The following ACYP2 variants were observed in gnomAD, a reference collection of about 807,000 sequenced individuals.
The protein encoded by ACYP2 is acylphosphatase 2.
A neutral mutation model predicts 11.2 loss-of-function variants in ACYP2; 12 were observed. The observed-to-expected ratio is 1.08, with a 90% CI of 0.69 to 1.74. ACYP2 has a LOEUF of 1.74. Ranked by LOEUF, ACYP2 falls within the 40% of genes most tolerant of loss-of-function variation. The pLI is 0.00. For synonymous variants in ACYP2, 43 were observed against 32.2 expected, an observed-to-expected ratio of 1.33 and a Z score of -1.13; for missense variants, 134 against 101.9, an observed-to-expected ratio of 1.31 and a Z score of -1.35.
chr2:54,036,188 G>C (rs963102275), intron 2 of ACYP2, among the ~76,000 whole-genome samples: 2 of 152,122 alleles, frequency 1.3e-5, no homozygotes, highest in African/African-American at 2.4e-5. Context: ...TCTGCCTGCC[G>C]GGTTCAAGCG....
chr2:54,015,669 AC>A (rs1673646809), intron 2 of ACYP2, among the ~76,000 whole-genome samples: 2 of 151,680 alleles, frequency 1.3e-5, no homozygotes, highest in African/African-American at 4.8e-5. Context: ...ACACACACAC[AC>A]ACACACACAC....
intron 6 of ACYP2, among the ~76,000 whole-genome samples, chr2:54,262,973 A>T (rs1434869654): frequency 1.3e-5 from 2 of 152,326 alleles, no homozygotes; most frequent in Non-Finnish European, 2.9e-5. Context: ...TGATGCCAGC[A>T]CTATGGGGGG....
chr2:54,189,348 C>T (rs953344595), intron 6 of ACYP2, among the ~76,000 whole-genome samples: 3 of 152,176 alleles, frequency 2.0e-5, no homozygotes, highest in Non-Finnish European at 2.9e-5. Context: ...TCCACCTAAC[C>T]ACTGCCTTAT....
chr2:54,296,610 T>C (rs957618867), intron 6 of ACYP2, among the ~76,000 whole-genome samples: 1 of 152,190 alleles, frequency 6.6e-6, no homozygotes, highest in Admixed American at 6.5e-5. Context: ...TCATCAAACA[T>C]ATAAAAAATG....
intron 6 of ACYP2, among the ~76,000 whole-genome samples, chr2:54,212,684 A>AC (rs1480894953): frequency 6.6e-6 from 1 of 152,232 alleles, no homozygotes; most frequent in Non-Finnish European, 1.5e-5. Context: ...TAGTCAGCTC[A>AC]CCCATGTGGT....
chr2:54,153,350 G>A (rs1200906791), intron 6 of ACYP2, among the ~76,000 whole-genome samples: 1 of 151,556 alleles, frequency 6.6e-6, no homozygotes, highest in African/African-American at 2.4e-5. Flanking sequence ...CTATTTTTAT[G>A]TCAGTACCAT....
intron 4 of ACYP2, among the ~76,000 whole-genome samples, chr2:54,126,303 A>G (rs775385262): frequency 2.6e-5 from 4 of 152,162 alleles, no homozygotes; most frequent in African/African-American, 7.2e-5. Context: ...AGCAAAATAT[A>G]TAAATGCATA....
At chr2:54,063,667 T>G (rs1015139021) in intron 4 of ACYP2, among the ~76,000 whole-genome samples, 8 of 152,250 alleles carry the variant, frequency 5.3e-5, no homozygotes, top group African/African-American at 1.7e-4. Flanking sequence ...TTCCTTTAGA[T>G]GAGGGGGTGT....
intron 2 of ACYP2, among the ~76,000 whole-genome samples, chr2:54,032,154 G>C (rs1573562833): frequency 6.6e-6 from 1 of 152,094 alleles, no homozygotes; most frequent in Non-Finnish European, 1.5e-5. Flanking sequence ...GTCTATTTTG[G>C]CTTTTGTTGC....
chr2:54,002,097 T>C (rs928712881), intron 2 of ACYP2, among the ~76,000 whole-genome samples: 2 of 152,216 alleles, frequency 1.3e-5, no homozygotes, highest in Non-Finnish European at 2.9e-5. Context: ...ATAATATGTT[T>C]CCACTATTAT....
At chr2:54,180,485 C>T (rs1270690630) in intron 6 of ACYP2, among the ~76,000 whole-genome samples, 120 of 152,174 alleles carry the variant, frequency 7.9e-4, no homozygotes, top group Non-Finnish European at 2.1e-4. Context: ...AAAGACATCA[C>T]TTCGGAGATT....
At chr2:54,063,916 G>T (rs1368861365) in intron 4 of ACYP2, among the ~76,000 whole-genome samples, 1 of 152,212 alleles carries the variant, frequency 6.6e-6, no homozygotes, top group African/African-American at 2.4e-5. Context: ...AGGAAGGACA[G>T]TGTAGCTGGA....
chr2:54,264,133 T>A (rs1687910950), intron 6 of ACYP2, among the ~76,000 whole-genome samples: 1 of 152,166 alleles, frequency 6.6e-6, no homozygotes, highest in Non-Finnish European at 1.5e-5. Context: ...CCTTCAGATG[T>A]TCAGAAGGGT....
chr2:54,172,955 A>G (rs1683279205), intron 6 of ACYP2, among the ~76,000 whole-genome samples: 1 of 152,204 alleles, frequency 6.6e-6, no homozygotes, highest in South Asian at 2.1e-4. Context: ...ATTGATGGAC[A>G]TTTGGGTTGG....
At chr2:53,980,317 T>C (rs1671686048) in intron 2 of ACYP2, among the ~76,000 whole-genome samples, 1 of 151,952 alleles carries the variant, frequency 6.6e-6, no homozygotes. Context: ...CTCACCACTG[T>C]GTTCCAGCCT....
chr2:54,012,761 T>C (rs1027555166), intron 2 of ACYP2, among the ~76,000 whole-genome samples: 14 of 152,180 alleles, frequency 9.2e-5, no homozygotes, highest in African/African-American at 3.4e-4. Context: ...CTCCTACCCC[T>C]ATCCTCTTTC....
intron 3 of ACYP2, among the ~76,000 whole-genome samples, chr2:54,052,295 T>A (rs1265427874): frequency 6.6e-6 from 1 of 152,198 alleles, no homozygotes; most frequent in Non-Finnish European, 1.5e-5. Flanking sequence ...TGTCATTTTT[T>A]GTATGGTAAA....
intron 6 of ACYP2, among the ~76,000 whole-genome samples, chr2:54,199,480 C>T (rs1320117123): frequency 1.3e-5 from 2 of 152,188 alleles, no homozygotes; most frequent in Non-Finnish European, 2.9e-5. Context: ...ACAGGCTACA[C>T]ACCCATGAGG....
At chr2:54,006,309 G>A (rs1003749733) in intron 2 of ACYP2, among the ~76,000 whole-genome samples, 2 of 151,992 alleles carry the variant, frequency 1.3e-5, no homozygotes, top group Non-Finnish European at 2.9e-5. Context: ...TACCACGCCC[G>A]GCTAATTTTT....
Sources: gnomAD v4.1 joint callset for allele counts (sites outside exome capture counted in the v4.1 genomes callset) on GRCh38, gnomAD v4.1.1 for gene constraint, MANE v1.5 for transcripts, NCBI Gene and HGNC (gene_info 2026-07-23, HGNC 2026-07-21) for gene names.